The following PRUNE2 variants were observed in gnomAD, a reference collection of about 807,000 sequenced individuals.
PRUNE2 encodes the protein prune homolog 2 with BCH domain.
Under a neutral mutation model 252.0 loss-of-function variants are expected in PRUNE2, and 164 were observed. The ratio of observed to expected loss-of-function variants is 0.65; its 90% CI spans 0.57 to 0.74. The LOEUF is 0.74. PRUNE2 is among the 30% of genes least tolerant of loss of function. The pLI, the probability that PRUNE2 is intolerant of heterozygous loss-of-function variation, is 0.00. For missense variants in PRUNE2, 3,495 were observed against 3,711.0 expected, an observed-to-expected ratio of 0.94 and a Z score of 1.51; for synonymous variants, 1,292 against 1,350.2, an observed-to-expected ratio of 0.96 and a Z score of 0.94.
In PRUNE2 at chr9:76,708,041, G is replaced by A. The variant is rs2046434948; in HGVS notation, c.4233C>T (p.Asp1411=). 6.2e-7 allele frequency: 1 copy of A among 1,614,006 alleles called. No individual in the cohort carries two copies. The highest frequency in any genetic ancestry group is 8.5e-7 in the Non-Finnish European group (1 of 1,179,890). The change falls in exon 8 of 19, where the codon GAC becomes GAT. Residue 1411 remains aspartate (D), a synonymous_variant. Coordinates refer to ENST00000376718, the MANE Select transcript of PRUNE2 (RefSeq NM_015225.3). ...LEYEEGSYNL[D]SRDVQTGMSA... ...ACATCCCTGTTTGCACATCACGGGA[G>A]TCTAGATTGTAAGACCCCTCCTCAT...
Position 76,614,401 on chromosome 9 carries a change from T to C in PRUNE2, c.*169A>G, listed in dbSNP as rs1271829668. On this transcript the variant is annotated 3_prime_UTR_variant, in exon 19 of 19. Coordinates refer to ENST00000376718, the MANE Select transcript of PRUNE2 (RefSeq NM_015225.3). ...AAATAGGAAAGTACACACAATTTCATAAAATATCTTAAGAGTAAACAAACT... is the reference window on the plus strand; with the variant it reads ...AAATAGGAAAGTACACACAATTTCACAAAATATCTTAAGAGTAAACAAACT... 1.6e-6 allele frequency: 1 copy of C among 640,678 alleles called. No individual in the cohort carries two copies. The highest frequency in any genetic ancestry group is 2.7e-6 in the Non-Finnish European group (1 of 364,376). The allele number at this position is 640,678 out of a possible 1,614,324, so 39.7% of individuals were successfully genotyped here.
intron 2 of PRUNE2, among the ~76,000 whole-genome samples, chr9:76,852,037 T>G (rs2059989703): frequency 6.6e-6 from 1 of 152,176 alleles, no homozygotes; most frequent in Admixed American, 6.5e-5. Flanking sequence ...ATCATCTGTC[T>G]CCCCTTTCTA....
intron 9 of PRUNE2, among the ~76,000 whole-genome samples, chr9:76,677,572 A>G (rs1429731596): frequency 6.6e-6 from 1 of 152,212 alleles, no homozygotes; most frequent in Non-Finnish European, 1.5e-5. Context: ...TTGCTGAATA[A>G]ACAGAAGATA....
intron 6 of PRUNE2, among the ~76,000 whole-genome samples, chr9:76,725,919 A>T (rs912535135): frequency 2.0e-5 from 3 of 152,324 alleles, no homozygotes; most frequent in Non-Finnish European, 2.9e-5. Context: ...TAACTGATTT[A>T]AGTAGAGAAA....
At chr9:76,849,262 T>C (rs939513271) in intron 3 of PRUNE2, among the ~76,000 whole-genome samples, 3 of 152,188 alleles carry the variant, frequency 2.0e-5, no homozygotes, top group African/African-American at 7.2e-5. Context: ...TCAAGTTTCT[T>C]GTCCGTAAAA....
intron 1 of PRUNE2, among the ~76,000 whole-genome samples, chr9:76,887,861 C>A (rs1012591588): frequency 5.3e-5 from 8 of 152,160 alleles, no homozygotes; most frequent in Admixed American, 3.3e-4. Flanking sequence ...TTTGCTACCA[C>A]GGCATAACCT....
intron 10 of PRUNE2, among the ~76,000 whole-genome samples, chr9:76,653,910 A>G (rs1848339125): frequency 1.3e-5 from 2 of 152,172 alleles, no homozygotes; most frequent in Admixed American, 1.3e-4. Context: ...GCAGAGCTGG[A>G]GAAGTCATTT....
chr9:76,671,763 A>C (rs889297323), intron 9 of PRUNE2, among the ~76,000 whole-genome samples: 9 of 150,900 alleles, frequency 6.0e-5, no homozygotes, highest in African/African-American at 2.2e-4. Context: ...TTCTTAAAGA[A>C]AAGAATTTTC....
chr9:76,667,285 G>T (rs951932247), intron 9 of PRUNE2, among the ~76,000 whole-genome samples: 1 of 152,194 alleles, frequency 6.6e-6, no homozygotes, highest in East Asian at 1.9e-4. Flanking sequence ...AAAGAATGAG[G>T]TTCTTCCGAA....
chr9:76,676,065 T>TA (rs71354669), intron 9 of PRUNE2, among the ~76,000 whole-genome samples: 114,955 of 144,332 alleles, frequency 0.8, 47,494 homozygotes, highest in Non-Finnish European at 0.91. Context: ...TAAAGTATAA[T>TA]AAAAAAAAAA....
intron 6 of PRUNE2, among the ~76,000 whole-genome samples, chr9:76,781,756 C>G (rs559979151): frequency 6.6e-6 from 1 of 152,198 alleles, no homozygotes; most frequent in Non-Finnish European, 1.5e-5. Flanking sequence ...TCGTACCTAG[C>G]ACATAGCATA....
At chr9:76,905,061 TA>T (rs1159303644) in intron 1 of PRUNE2, among the ~76,000 whole-genome samples, 1 of 152,248 alleles carries the variant, frequency 6.6e-6, no homozygotes, top group African/African-American at 2.4e-5. Flanking sequence ...TACAGTTCTT[TA>T]AAGATATTGC....
intron 1 of PRUNE2, among the ~76,000 whole-genome samples, chr9:76,901,567 T>C (rs1421835783): frequency 2.6e-5 from 4 of 152,218 alleles, no homozygotes; most frequent in Non-Finnish European, 5.9e-5. Context: ...GAAGAATATA[T>C]GCCTTCAATT....
intron 6 of PRUNE2, among the ~76,000 whole-genome samples, chr9:76,764,067 T>C (rs1322268031): frequency 6.6e-6 from 1 of 152,150 alleles, no homozygotes; most frequent in African/African-American, 2.4e-5. Context: ...ACCAATAACC[T>C]CATTCACAAT....
rs1339206831 is a variant in PRUNE2, at chr9:76,637,356, TG to T, written c.8963+61del. 4.7e-6 allele frequency: 7 copies of T among 1,499,922 alleles called. No homozygotes were observed. In the African/African-American group the frequency reaches 8.3e-5, roughly 18 times the overall value. The allele number at this position is 1,499,922 out of a possible 1,614,324, so 92.9% of individuals were successfully genotyped here. ...ATGAAGATAATAACAGTATACCATG[TG>T]GTTGTTTAGTCTTCAGTTTACCAAA... On this transcript the variant is annotated intron_variant, in intron 14 of 18. Transcript: ENST00000376718.
intron 15 of PRUNE2, among the ~76,000 whole-genome samples, chr9:76,632,037 A>G (rs934853819): frequency 2.0e-5 from 3 of 152,208 alleles, no homozygotes; most frequent in African/African-American, 7.2e-5. Context: ...TGCTTTATCC[A>G]ATCCACTGTT....
At chr9:76,774,689 C>A (rs1347393553) in intron 6 of PRUNE2, among the ~76,000 whole-genome samples, 1 of 151,902 alleles carries the variant, frequency 6.6e-6, no homozygotes, top group Non-Finnish European at 1.5e-5. Context: ...GAATTCCCGA[C>A]CTCAGGTGAT....
intron 6 of PRUNE2, chr9:76,783,992 C>T (rs978845916): frequency 6.6e-6 from 1 of 152,232 alleles, no homozygotes; most frequent in African/African-American, 2.4e-5. Flanking sequence ...CCGGAATCCA[C>T]TACCGATTTT....
chr9:76,851,526 G>C (rs1047132910), intron 2 of PRUNE2, among the ~76,000 whole-genome samples: 12 of 149,936 alleles, frequency 8.0e-5, no homozygotes, highest in African/African-American at 1.5e-4. Context: ...GCAGCATGGG[G>C]GACAGAGCAA....
Sources: allele counts gnomAD v4.1 joint callset (sites outside exome capture counted in the v4.1 genomes callset), GRCh38; gene constraint gnomAD v4.1.1; transcripts MANE v1.5; gene names NCBI Gene and HGNC (gene_info 2026-07-23, HGNC 2026-07-21).